CLASP2: variants seen among roughly 807,000 people sequenced by gnomAD.
CLASP2 encodes CLIP-associating protein 2.
A neutral mutation model predicts 194.4 loss-of-function variants in CLASP2; 47 were observed. The ratio of observed to expected loss-of-function variants is 0.24; its 90% CI spans 0.19 to 0.31. CLASP2 has a LOEUF of 0.31. Among genes scored for constraint, CLASP2 ranks in the 10% least tolerant of loss-of-function variants. The pLI is 1.00. For synonymous variants in CLASP2, 619 were observed against 633.5 expected (o/e 0.98, Z 0.34); for missense variants, 1,445 against 1,823.6 (o/e 0.79, Z 3.78).
intron 11 of CLASP2, among the ~76,000 whole-genome samples, chr3:33,621,384 G>A (rs2077082184): frequency 6.6e-6 from 1 of 152,136 alleles, no homozygotes; most frequent in African/African-American, 2.4e-5. Flanking sequence ...GCTAGTTGGA[G>A]ATATTGGGTC....
chr3:33,547,105 C>T (rs2059265632), intron 30 of CLASP2, among the ~76,000 whole-genome samples: 2 of 151,978 alleles, frequency 1.3e-5, no homozygotes, highest in Admixed American at 6.5e-5. Context: ...GGGATAAATC[C>T]CTCTTGGTCA....
At chr3:33,642,738 C>T (rs1475555978) in intron 8 of CLASP2, among the ~76,000 whole-genome samples, 1 of 151,806 alleles carries the variant, frequency 6.6e-6, no homozygotes, top group African/African-American at 2.4e-5. Flanking sequence ...TTTCAAAGGA[C>T]TGACAGTCAA....
intron 32 of CLASP2, among the ~76,000 whole-genome samples, chr3:33,539,293 T>C (rs1014260636): frequency 6.6e-6 from 1 of 152,124 alleles, no homozygotes; most frequent in Non-Finnish European, 1.5e-5. Context: ...AAAAAAATCA[T>C]GAAAATTAGA....
chr3:33,700,172 C>A (rs996629721), intron 1 of CLASP2, among the ~76,000 whole-genome samples: 1 of 152,136 alleles, frequency 6.6e-6, no homozygotes, highest in South Asian at 2.1e-4. Flanking sequence ...GTGGCTCATG[C>A]CTGTAACCCC....
intron 12 of CLASP2, among the ~76,000 whole-genome samples, chr3:33,617,490 A>G (rs1323735382): frequency 6.6e-6 from 1 of 152,198 alleles, no homozygotes; most frequent in African/African-American, 2.4e-5. Flanking sequence ...GAAGTTCTAA[A>G]TGATTGAATA....
chr3:33,534,299 C>T (rs2056917391), intron 34 of CLASP2, among the ~76,000 whole-genome samples: 1 of 152,152 alleles, frequency 6.6e-6, no homozygotes, highest in African/African-American at 2.4e-5. Context: ...CAGTGGCTCA[C>T]ACCTACAATC....
At chr3:33,663,130 G>A (rs1357743378) in intron 7 of CLASP2, among the ~76,000 whole-genome samples, 1 of 148,944 alleles carries the variant, frequency 6.7e-6, no homozygotes, top group African/African-American at 2.5e-5. Flanking sequence ...TTGTATGCAT[G>A]GAAAATGGAG....
At chr3:33,626,149 T>G (rs928021158) in intron 10 of CLASP2, among the ~76,000 whole-genome samples, 6 of 152,118 alleles carry the variant, frequency 3.9e-5, no homozygotes, top group South Asian at 2.1e-4. Context: ...TTAAGATATG[T>G]AGACTTCCTA....
intron 6 of CLASP2, among the ~76,000 whole-genome samples, chr3:33,683,915 G>GGGC (rs2090214764): frequency 7.4e-6 from 1 of 134,944 alleles, no homozygotes; most frequent in Non-Finnish European, 1.5e-5. Flanking sequence ...ACTCCAGCCT[G>GGGC]AGCAAGACTC....
intron 20 of CLASP2, among the ~76,000 whole-genome samples, chr3:33,593,803 C>T (rs542327628): frequency 6.6e-6 from 1 of 152,240 alleles, no homozygotes; most frequent in Admixed American, 6.5e-5. Context: ...TTGATATTAA[C>T]ATTTGAAATT....
At position 33,645,972 on chromosome 3, in the gene CLASP2, AC is replaced by A. The variant is rs1251642360; in HGVS notation, c.716-1070del. On this transcript the variant is annotated intron_variant, in intron 7 of 38. Coordinates refer to ENST00000682230, the MANE Select transcript of CLASP2 (RefSeq NM_001365631.1). ...CACACACACACACACACACACACACACACAATGTATTTTACTCTCCTGAGAA... is the reference window on the plus strand; with the variant it reads ...CACACACACACACACACACACACACAACAATGTATTTTACTCTCCTGAGAA... Among the ~76,000 whole-genome samples, 65 of 137,546 alleles carry A rather than the reference AC, an allele frequency of 4.7e-4. 2 individuals are homozygous for A. The highest frequency in any genetic ancestry group is 2.1e-3 in the Admixed American group (28 of 13,034). 90.2% of individuals were successfully genotyped at this position (137,546 alleles called of 152,430 possible).
intron 11 of CLASP2, among the ~76,000 whole-genome samples, chr3:33,620,961 A>G (rs190455230): frequency 1.1e-3 from 161 of 151,302 alleles, no homozygotes; most frequent in African/African-American, 3.8e-3. Context: ...ATACATCTAG[A>G]CTCATGGATT....
At position 33,584,068 on chromosome 3, in the gene CLASP2, G is replaced by A. The variant is rs555152252; in HGVS notation, c.2239+682C>T. ...TCATTACTATTATCTGAAATTGAAA[G>A]TATCCTAATCAATACACAGAGAAAA... On this transcript the variant is annotated intron_variant, in intron 22 of 38. Coordinates refer to ENST00000682230, the MANE Select transcript of CLASP2 (RefSeq NM_001365631.1). Among the ~76,000 whole-genome samples the A allele has an allele frequency of 9.9e-4, 150 of 152,170 alleles. 1 individual carries two copies. Among genetic ancestry groups the A allele is most frequent in the Non-Finnish European group, 1.7e-3 (119 of 68,002 alleles).
chr3:33,613,686 A>AT (rs928143193), intron 12 of CLASP2, among the ~76,000 whole-genome samples: 5 of 152,350 alleles, frequency 3.3e-5, no homozygotes, highest in African/African-American at 1.2e-4. Flanking sequence ...ATTCAGCATG[A>AT]AAGGACTCTG....
chr3:33,642,392 A>G (rs937181429), intron 8 of CLASP2, among the ~76,000 whole-genome samples: 6 of 152,070 alleles, frequency 3.9e-5, no homozygotes, highest in Non-Finnish European at 5.9e-5. Context: ...AAAACTACAC[A>G]ATGAATAGTG....
chr3:33,696,545 AACCTCC>A (rs1424712292), intron 2 of CLASP2, among the ~76,000 whole-genome samples: 1 of 150,146 alleles, frequency 6.7e-6, no homozygotes, highest in East Asian at 1.9e-4. Context: ...AGCTCACTGC[AACCTCC>A]ACCTCCTAGG....
At chr3:33,630,976 A>G (rs2078988325) in intron 9 of CLASP2, among the ~76,000 whole-genome samples, 1 of 152,234 alleles carries the variant, frequency 6.6e-6, no homozygotes, top group Non-Finnish European at 1.5e-5. Context: ...AAATAAGAAA[A>G]AACATATATC....
chr3:33,543,903 G>C (rs1448567637), intron 31 of CLASP2, among the ~76,000 whole-genome samples: 2 of 152,056 alleles, frequency 1.3e-5, no homozygotes, highest in Admixed American at 6.6e-5. Flanking sequence ...TACACCAAGG[G>C]AGTTAAATCT....
At chr3:33,644,703 G>A (rs997820484) in intron 8 of CLASP2, 54 bp downstream of exon 8, 4 of 1,582,910 alleles carry the variant, frequency 2.5e-6, no homozygotes, top group Non-Finnish European at 3.5e-6. Context: ...AGTATGTGTG[G>A]CCATATCAAG....
Sources: gnomAD v4.1 joint callset for allele counts (sites outside exome capture counted in the v4.1 genomes callset) on GRCh38, gnomAD v4.1.1 for gene constraint, MANE v1.5 for transcripts, NCBI Gene and HGNC (gene_info 2026-07-23, HGNC 2026-07-21) for gene names.